Variants in BCAS3 observed in about 807,000 individuals in gnomAD.
BCAS3 encodes BCAS3 microtubule associated cell migration factor.
BCAS3 carries 53 observed loss-of-function variants against 116.1 expected under a neutral mutation model. The ratio of observed to expected loss-of-function variants is 0.46; its 90% CI spans 0.37 to 0.57. The LOEUF is 0.57. Ranked by LOEUF, BCAS3 falls within the 20% of genes least tolerant of loss-of-function variation. BCAS3 has a pLI of 0.00. For synonymous variants in BCAS3, 391 were observed against 408.2 expected, an observed-to-expected ratio of 0.96 and a Z score of 0.51; for missense variants, 917 against 1,165.4, an observed-to-expected ratio of 0.79 and a Z score of 3.10.
At chr17:61,160,643 G>A (rs2078117969) in intron 22 of BCAS3, among the ~76,000 whole-genome samples, 1 of 152,040 alleles carries the variant, frequency 6.6e-6, no homozygotes, top group Admixed American at 6.6e-5. Flanking sequence ...AATGCCTAGG[G>A]CTGATGGTTT....
rs2072766227 is a variant in BCAS3, at chr17:61,083,036, C to T, written c.2328-1431C>T. On this transcript the variant is annotated intron_variant, in intron 21 of 23. Coordinates refer to ENST00000407086, the MANE Select transcript of BCAS3 (RefSeq NM_017679.5). This position sits in a 1 kb window ranked among gnomAD's most constrained non-coding sequence, Gnocchi z 4.9. ...AATAGCCTTTATGAACTCTATACTT[C>T]AGCCAAATCATGCACTTCAAGATGC... 6.6e-6 allele frequency among the ~76,000 whole-genome samples: 1 copy of T among 152,198 alleles called. No individual in the cohort carries two copies.
Position 61,259,610 on chromosome 17 carries a change from G to A in BCAS3, c.2426-108717G>A, listed in dbSNP as rs772875802. On this transcript the variant is annotated intron_variant, in intron 22 of 23. Coordinates refer to ENST00000407086, the MANE Select transcript of BCAS3 (RefSeq NM_017679.5). The surrounding 1 kb of genome is among the most constrained non-coding windows in gnomAD (Gnocchi z 4.7). ...AGCCATTTAAGTGTTCCAGCCACTG[G>A]AGCTGGTTCTCTTTGTTGTTCTTTT... Among the ~76,000 whole-genome samples, 7 of 152,174 alleles carry A rather than the reference G, an allele frequency of 4.6e-5. No individual in the cohort carries two copies. The highest frequency in any genetic ancestry group is 1.0e-4 in the Non-Finnish European group (7 of 68,038).
chr17:61,209,637 C>T (rs1019945667), intron 22 of BCAS3, among the ~76,000 whole-genome samples: 5 of 152,098 alleles, frequency 3.3e-5, no homozygotes, highest in Non-Finnish European at 7.3e-5. Flanking sequence ...GACCATTGTT[C>T]TTTGAGGAAT....
rs1291371950 is a variant in BCAS3, at chr17:61,244,410, G to A, written c.2426-123917G>A. On this transcript the variant is annotated intron_variant, in intron 22 of 23. Transcript: ENST00000407086. This position sits in a 1 kb window ranked among gnomAD's most constrained non-coding sequence, Gnocchi z 4.9. ...GCTTTTTTACTTAGCACTATATTGTGAATATCATGAACAAAGACAGTTTGG... is the reference window on the plus strand; with the variant it reads ...GCTTTTTTACTTAGCACTATATTGTAAATATCATGAACAAAGACAGTTTGG... Among the ~76,000 whole-genome samples the A allele has an allele frequency of 1.3e-5, 2 of 152,006 alleles. No individual in the cohort carries two copies. Among genetic ancestry groups the A allele is most frequent in the Non-Finnish European group, 2.9e-5 (2 of 68,014 alleles).
At chr17:60,908,800 A>C (rs1327481995) in intron 11 of BCAS3, among the ~76,000 whole-genome samples, 1 of 152,224 alleles carries the variant, frequency 6.6e-6, no homozygotes, top group Non-Finnish European at 1.5e-5. Context: ...TGAATTCAGC[A>C]TATGGCTTTG....
intron 8 of BCAS3, among the ~76,000 whole-genome samples, chr17:60,871,330 AT>A (rs751645835): frequency 6.6e-6 from 1 of 151,914 alleles, no homozygotes; most frequent in South Asian, 2.1e-4. Context: ...CGCCTGGCTA[AT>A]TTTTTTTAAC....
rs2144357352 is a variant in BCAS3, at chr17:61,215,923, T to G, written c.2425+131359T>G. 6.6e-6 allele frequency among the ~76,000 whole-genome samples: 1 copy of G among 152,364 alleles called. No individual in the cohort carries two copies. Among genetic ancestry groups the G allele is most frequent in the South Asian group, 2.1e-4 (1 of 4,822 alleles). On this transcript the variant is annotated intron_variant, in intron 22 of 23. Transcript: ENST00000407086. The surrounding 1 kb of genome is among the most constrained non-coding windows in gnomAD (Gnocchi z 4.8). ...CTTTGTCTTAGTCAGATCTCTGTGC[T>G]TTTCAGGATATAATAGGTAAATCCA... is the stretch of plus-strand genomic sequence containing the variant.
At position 61,023,331 on chromosome 17, in the gene BCAS3, A is replaced by G. The variant is rs1332215267; in HGVS notation, c.1637+7430A>G. ...TCTGTTTATTACATTTAATATTTAT[A>G]TGGGCTCATTCTGATGTCTGTTCTG... is the stretch of plus-strand genomic sequence containing the variant. On this transcript the variant is annotated intron_variant, in intron 16 of 23. Transcript: ENST00000407086. The surrounding 1 kb of genome is among the most constrained non-coding windows in gnomAD (Gnocchi z 4.8). 6.6e-6 allele frequency among the ~76,000 whole-genome samples: 1 copy of G among 152,184 alleles called. No individual in the cohort carries two copies. Among genetic ancestry groups the G allele is most frequent in the East Asian group, 1.9e-4 (1 of 5,188 alleles).
At position 60,902,516 on chromosome 17, in the gene BCAS3, A is replaced by G. The variant is rs1052031292; in HGVS notation, c.739-104A>G. On this transcript the variant is annotated intron_variant, in intron 10 of 23. Coordinates refer to ENST00000407086, the MANE Select transcript of BCAS3 (RefSeq NM_017679.5). The stretch of plus-strand genomic sequence containing the variant: ...TACACTCATGCAAACATTCCCACCC[A>G]TCACCATCACTGTTCACGGAAAATA... 15 of 907,542 alleles carry G rather than the reference A, an allele frequency of 1.7e-5. No homozygotes were observed. The African/African-American group carries it at 2.3e-4, about 14-fold the overall frequency. The allele number at this position is 907,542 out of a possible 1,614,324, so 56.2% of individuals were successfully genotyped here. A position where few individuals can be genotyped will look rare whatever the true frequency, so the allele number is the denominator to read the frequency against.
rs754132133 is a variant in BCAS3 at position 61,034,670 on chromosome 17, G to C, written c.1642G>C (p.Val548Leu). ...LGTITKRTGK[V>L]KPPPQISPSK... ...ACTCTTATTTTATTTTTTAAGCAAAGTTAAACCTCCTCCACAAATTTCACC... is the reference window on the plus strand; with the variant it reads ...ACTCTTATTTTATTTTTTAAGCAAACTTAAACCTCCTCCACAAATTTCACC... The change falls in exon 17 of 24, where the codon GTT becomes CTT. Residue 548 changes from valine (V) to leucine (L), a missense_variant. Transcript: ENST00000407086. This position sits in a 1 kb window ranked among gnomAD's most constrained non-coding sequence, Gnocchi z 5.0. The C allele has an allele frequency of 1.6e-5, 25 of 1,605,470 alleles. No individual in the cohort carries two copies. The East Asian group carries it at 4.9e-4, about 32-fold the overall frequency.
intron 6 of BCAS3, among the ~76,000 whole-genome samples, chr17:60,777,016 C>CAA (rs58245869): frequency 0.013 from 1,013 of 78,748 alleles, 20 homozygotes; most frequent in African/African-American, 0.029. Flanking sequence ...AACTCCATCT[C>CAA]AAAAAAAAAA....
Position 60,913,722 on chromosome 17 carries a change from A to T in BCAS3, c.993+3020A>T, listed in dbSNP as rs184560633. 8.2e-3 allele frequency among the ~76,000 whole-genome samples: 1,246 copies of T among 151,956 alleles called. 8 individuals are homozygous for T. Among genetic ancestry groups the T allele is most frequent in the Non-Finnish European group, 0.014 (957 of 67,876 alleles). ...TAAATCCCTTGAGCCTTTGATAATG[A>T]TTTTTTTTGTGTTAACAATTGTAGT... is the stretch of plus-strand genomic sequence containing the variant. On this transcript the variant is annotated intron_variant, in intron 12 of 23. Transcript: ENST00000407086.
Position 61,286,391 on chromosome 17 carries a change from C to A in BCAS3, c.2426-81936C>A, listed in dbSNP as rs540701496. Among the ~76,000 whole-genome samples, 1 of 152,124 alleles carries A rather than the reference C, an allele frequency of 6.6e-6. No individual in the cohort carries two copies. The stretch of plus-strand genomic sequence containing the variant: ...CCACTCCTGTGCTGGTGAAGTCTGG[C>A]GTGTGGAGAGGCCTCTGGTTATTGG... On this transcript the variant is annotated intron_variant, in intron 22 of 23. Coordinates refer to ENST00000407086, the MANE Select transcript of BCAS3 (RefSeq NM_017679.5). The surrounding 1 kb of genome is among the most constrained non-coding windows in gnomAD (Gnocchi z 4.8).
At position 61,369,390 on chromosome 17, in the gene BCAS3, C is replaced by G. The variant is rs143904993; in HGVS notation, c.2593+896C>G. On this transcript the variant is annotated intron_variant, in intron 23 of 23. Transcript: ENST00000407086. ...ACTCTGCTGTGCACTGCTCCGTTCC[C>G]GTTCCACATGCCTCCCTGCAAAGAA... is the stretch of plus-strand genomic sequence containing the variant. Among the ~76,000 whole-genome samples the G allele has an allele frequency of 3.4e-3, 514 of 152,298 alleles. 2 individuals are homozygous for G. The highest frequency in any genetic ancestry group is 6.1e-3 in the Non-Finnish European group (418 of 68,032).
At position 61,140,081 on chromosome 17, in the gene BCAS3, C is replaced by CA. The variant is rs1256505580; in HGVS notation, c.2425+55523dup. ...TGAAACCCCATCTCTACTAAAAATACAAAAAATTAGCTGGGCGTGGTGGTG... is the reference window on the plus strand; with the variant it reads ...TGAAACCCCATCTCTACTAAAAATACAAAAAAATTAGCTGGGCGTGGTGGTG... On this transcript the variant is annotated intron_variant, in intron 22 of 23. Transcript: ENST00000407086. The surrounding 1 kb of genome is among the most constrained non-coding windows in gnomAD (Gnocchi z 4.2). 6.6e-6 allele frequency among the ~76,000 whole-genome samples: 1 copy of CA among 151,986 alleles called. No individual in the cohort carries two copies. The highest frequency in any genetic ancestry group is 2.4e-5 in the African/African-American group (1 of 41,378).
At chr17:60,687,221 G>A (rs1180941587) in intron 3 of BCAS3, among the ~76,000 whole-genome samples, 1 of 152,116 alleles carries the variant, frequency 6.6e-6, no homozygotes, top group Non-Finnish European at 1.5e-5. Flanking sequence ...TAAATAAGAG[G>A]GCTAAATCGG....
At chr17:60,968,524 C>T (rs957443634) in intron 14 of BCAS3, among the ~76,000 whole-genome samples, 5 of 152,190 alleles carry the variant, frequency 3.3e-5, no homozygotes, top group Non-Finnish European at 5.9e-5. Context: ...CATGAGGCAG[C>T]GTGTCTGGCC....
At chr17:61,312,666 GCTGGTTTCCATGCC>G (rs769013747) in intron 22 of BCAS3, among the ~76,000 whole-genome samples, 31 of 152,200 alleles carry the variant, frequency 2.0e-4, no homozygotes, top group Non-Finnish European at 3.7e-4. Flanking sequence ...CCCTCGGGAT[GCTGGTTTCCATGCC>G]CTGGTCTAGT....
rs190847196 is a variant in BCAS3 at position 61,141,394 on chromosome 17, A to G, written c.2425+56830A>G. On this transcript the variant is annotated intron_variant, in intron 22 of 23. Transcript: ENST00000407086. The surrounding 1 kb of genome is among the most constrained non-coding windows in gnomAD (Gnocchi z 4.3). ...GCAACATACCAAGACTCTGTCTACA[A>G]AAAAAGTGTTAAAAGTAACCAGGTA... Among the ~76,000 whole-genome samples, 4 of 152,202 alleles carry G rather than the reference A, an allele frequency of 2.6e-5. No homozygotes were observed. The highest frequency in any genetic ancestry group is 2.6e-4 in the Admixed American group (4 of 15,280).
Sources: gnomAD v4.1 joint callset for allele counts (sites outside exome capture counted in the v4.1 genomes callset) on GRCh38, gnomAD v4.1.1 for gene constraint, Gnocchi (gnomAD v3.1) non-coding constraint, MANE v1.5 for transcripts, NCBI Gene and HGNC (gene_info 2026-07-23, HGNC 2026-07-21) for gene names.